Variants in AOPEP observed in about 807,000 individuals in gnomAD.
AOPEP encodes the protein aminopeptidase O (putative), also known as aminopeptidase O.
Under a neutral mutation model 98.1 loss-of-function variants are expected in AOPEP, and 77 were observed. That is an observed-to-expected ratio of 0.78 (90% CI 0.65 to 0.95). The LOEUF (loss-of-function observed/expected upper bound fraction) is 0.95. Among genes scored for constraint, AOPEP ranks in the 40% least tolerant of loss-of-function variants. The pLI is 0.00. For synonymous variants in AOPEP, 346 were observed against 365.3 expected, an observed-to-expected ratio of 0.95 and a Z score of 0.60; for missense variants, 1,024 against 1,024.7, an observed-to-expected ratio of 1.00 and a Z score of 0.01.
intron 11 of AOPEP, among the ~76,000 whole-genome samples, chr9:94,989,290 G>T (rs148308538): frequency 0.013 from 1,905 of 152,154 alleles, 25 homozygotes; most frequent in South Asian, 0.044. Flanking sequence ...TTTTAGTAGA[G>T]ACGGGGTTTC....
chr9:95,041,717 C>T (rs535813646), intron 13 of AOPEP, among the ~76,000 whole-genome samples: 1 of 152,100 alleles, frequency 6.6e-6, no homozygotes, highest in Non-Finnish European at 1.5e-5. Flanking sequence ...TTGATCAAGA[C>T]GCGGTGGCCC....
the AOPEP span, among the ~76,000 whole-genome samples, chr9:95,125,923 A>C: frequency 1.3e-5 from 2 of 152,222 alleles, no homozygotes; most frequent in Admixed American, 1.3e-4. Context: ...TACTCCCACT[A>C]ACTTAGTACT....
At chr9:95,006,157 G>T (rs1564513197) in intron 13 of AOPEP, 1 of 461,132 alleles carries the variant, frequency 2.2e-6, no homozygotes, top group East Asian at 7.0e-5. Context: ...AGTTTGGACT[G>T]CCTGTCTTTT....
intron 1 of AOPEP, among the ~76,000 whole-genome samples, chr9:94,733,291 A>G (rs1285397698): frequency 6.6e-6 from 1 of 151,758 alleles, no homozygotes; most frequent in Non-Finnish European, 1.5e-5. Flanking sequence ...TATTTTCTTT[A>G]GAGATGACAT....
chr9:95,091,869 G>C (rs1056202700), downstream of AOPEP, among the ~76,000 whole-genome samples: 8 of 152,158 alleles, frequency 5.3e-5, no homozygotes, highest in African/African-American at 1.9e-4. Flanking sequence ...GTGCATGTGC[G>C]CACCCCACCC....
At chr9:95,090,549 C>T (rs1032062852), downstream of AOPEP, among the ~76,000 whole-genome samples, 2 of 152,134 alleles carry the variant, frequency 1.3e-5, no homozygotes, top group South Asian at 2.1e-4. Flanking sequence ...AGGGCCCCCC[C>T]TTCGAAGGGA....
chr9:94,877,716 CA>C (rs2047122923), intron 5 of AOPEP, among the ~76,000 whole-genome samples: 1 of 152,166 alleles, frequency 6.6e-6, no homozygotes, highest in African/African-American at 2.4e-5. Context: ...CCACTGTTCC[CA>C]ACCTCCTACT....
chr9:94,794,800 CCTACAAA>C (rs775623790), intron 4 of AOPEP, among the ~76,000 whole-genome samples: 33,297 of 152,090 alleles, frequency 0.22, 5,136 homozygotes, highest in African/African-American at 0.43. Flanking sequence ...CAAAACAGAG[CCTACAAA>C]ACAGAGGAGG....
At chr9:95,043,526 C>A (rs934439296) in intron 13 of AOPEP, among the ~76,000 whole-genome samples, 1 of 152,078 alleles carries the variant, frequency 6.6e-6, no homozygotes. Context: ...TTGAGTTAAT[C>A]GTTTGCTTTG....
rs547448304 is a variant in AOPEP, at chr9:94,965,649, A to G, written c.1873-2109A>G. Among the ~76,000 whole-genome samples the G allele has an allele frequency of 1.3e-4, 20 of 152,282 alleles. No individual in the cohort carries two copies. The South Asian group carries it at 4.1e-3, about 32-fold the overall frequency. On this transcript the variant is annotated intron_variant, in intron 9 of 16. Coordinates refer to ENST00000375315, the MANE Select transcript of AOPEP (RefSeq NM_001193329.3). ...CATCAGAGTCCTGTGTGAAGTCTGT[A>G]TCTGCAGACTTGGTTCTATTGGGAG... is the stretch of plus-strand genomic sequence containing the variant.
chr9:94,916,710 T>A (rs10993396), intron 5 of AOPEP, among the ~76,000 whole-genome samples: 9,241 of 143,006 alleles, frequency 0.065, 329 homozygotes, highest in South Asian at 0.13. Flanking sequence ...AAAAAAAAAA[T>A]TAAATAAATA....
chr9:94,933,244 C>T (rs1323435147), intron 7 of AOPEP: 15 of 985,482 alleles, frequency 1.5e-5, no homozygotes, highest in Non-Finnish European at 1.7e-5. Context: ...GCTCGCCATG[C>T]CTCCTGTCTC....
Position 94,728,465 on chromosome 9 carries a change from C to T in AOPEP, c.-136+1714C>T, listed in dbSNP as rs183524075. 4.6e-5 allele frequency among the ~76,000 whole-genome samples: 7 copies of T among 152,290 alleles called. No homozygotes were observed. The East Asian group carries it at 1.3e-3, about 29-fold the overall frequency. On this transcript the variant is annotated intron_variant, in intron 1 of 16. Transcript: ENST00000375315. Reference sequence around the variant, plus strand: ...ACAATTTCTTGCCTTCTTAAACACTCAGGATGCCGAGTAGATTTTTGACCT... The same window carrying T: ...ACAATTTCTTGCCTTCTTAAACACTTAGGATGCCGAGTAGATTTTTGACCT...
intron 5 of AOPEP, among the ~76,000 whole-genome samples, chr9:94,836,843 G>C (rs2041662487): frequency 6.6e-6 from 1 of 152,104 alleles, no homozygotes; most frequent in Non-Finnish European, 1.5e-5. Flanking sequence ...TTTATAATTA[G>C]AACTAATGTC....
At chr9:94,989,905 G>A (rs750163097) in intron 11 of AOPEP, among the ~76,000 whole-genome samples, 5 of 152,108 alleles carry the variant, frequency 3.3e-5, no homozygotes, top group Non-Finnish European at 7.3e-5. Context: ...CACTGCGCCC[G>A]GCCAAGTAAC....
intron 14 of AOPEP, among the ~76,000 whole-genome samples, chr9:95,080,083 C>G (rs553618870): frequency 1.3e-5 from 2 of 152,194 alleles, no homozygotes; most frequent in Non-Finnish European, 2.9e-5. Context: ...GCAGCCTGGT[C>G]GGAATGTGCA....
chr9:94,957,856 A>C (rs2058569820), intron 9 of AOPEP, among the ~76,000 whole-genome samples: 1 of 151,988 alleles, frequency 6.6e-6, no homozygotes, highest in African/African-American at 2.4e-5. Flanking sequence ...AGGTTCATAT[A>C]GCATGTATCA....
At chr9:94,775,490 C>G (rs1202928848) in intron 3 of AOPEP, among the ~76,000 whole-genome samples, 1 of 151,978 alleles carries the variant, frequency 6.6e-6, no homozygotes, top group South Asian at 2.1e-4. Flanking sequence ...TCTCGGCCTC[C>G]CCAGTAGCTG....
intron 10 of AOPEP, among the ~76,000 whole-genome samples, chr9:94,971,520 A>C (rs947783235): frequency 6.6e-6 from 1 of 152,020 alleles, no homozygotes; most frequent in African/African-American, 2.4e-5. Context: ...AAGGCCCCAC[A>C]CCTACCCCCC....
Sources: allele counts gnomAD v4.1 joint callset (sites outside exome capture counted in the v4.1 genomes callset), GRCh38; gene constraint gnomAD v4.1.1; transcripts MANE v1.5; gene names NCBI Gene and HGNC (gene_info 2026-07-23, HGNC 2026-07-21).